The following MEGF11 variants were observed in gnomAD, a reference collection of about 807,000 sequenced individuals.
MEGF11 encodes the protein multiple EGF like domains 11.
In MEGF11, 126 loss-of-function variants were observed where a neutral mutation model predicts 146.6. The observed-to-expected ratio is 0.86, with a 90% CI of 0.74 to 1.00. The LOEUF is 1.00. Among genes scored for constraint, MEGF11 ranks in the 50% least tolerant of loss-of-function variants. The pLI, the probability that MEGF11 is intolerant of heterozygous loss-of-function variation, is 0.00. For missense variants in MEGF11, 1,509 were observed against 1,521.2 expected (o/e 0.99, Z 0.13); for synonymous variants, 532 against 583.4 (o/e 0.91, Z 1.27).
At chr15:66,180,360 A>G (rs944695342) in intron 1 of MEGF11, among the ~76,000 whole-genome samples, 19 of 152,138 alleles carry the variant, frequency 1.2e-4, no homozygotes. Flanking sequence ...CGGATGAACC[A>G]AAGACCCTCC....
At chr15:66,241,243 TGGAG>T (rs2140238412) in intron 1 of MEGF11, among the ~76,000 whole-genome samples, 1 of 152,244 alleles carries the variant, frequency 6.6e-6, no homozygotes, top group Non-Finnish European at 1.5e-5. Flanking sequence ...TCCCCCAAGC[TGGAG>T]GCCCAGGGAG....
chr15:66,107,060 C>CCCCCCCT (rs111544754), intron 4 of MEGF11, among the ~76,000 whole-genome samples: 3 of 150,730 alleles, frequency 2.0e-5, no homozygotes, highest in South Asian at 2.1e-4. Flanking sequence ...TCCTACCCCC[C>CCCCCCCT]CACCAGGTAT....
chr15:66,026,427 G>A (rs2140209773), intron 5 of MEGF11, among the ~76,000 whole-genome samples: 1 of 152,300 alleles, frequency 6.6e-6, no homozygotes, highest in African/African-American at 2.4e-5. Context: ...TGGAATGGAT[G>A]CACCCCTAAT....
At chr15:65,930,770 C>G in intron 11 of MEGF11, 53 bp downstream of exon 11, 3 of 1,517,502 alleles carry the variant, frequency 2.0e-6, no homozygotes, top group Non-Finnish European at 2.7e-6. Flanking sequence ...GCAGCACCAC[C>G]TGGGGAATGT....
chr15:66,102,146 G>A (rs1044561294), intron 4 of MEGF11, among the ~76,000 whole-genome samples: 2 of 79,924 alleles, frequency 2.5e-5, no homozygotes, highest in Non-Finnish European at 5.6e-5. Context: ...TCGATGCTTC[G>A]GGCCCCAGAT....
intron 1 of MEGF11, among the ~76,000 whole-genome samples, chr15:66,156,630 T>C (rs536769672): frequency 6.6e-6 from 1 of 152,076 alleles, no homozygotes; most frequent in East Asian, 1.9e-4. Flanking sequence ...TGGAGCCTTC[T>C]TTCCTCTGTG....
intron 5 of MEGF11, among the ~76,000 whole-genome samples, chr15:66,026,940 A>G (rs1029690245): frequency 1.3e-5 from 2 of 152,242 alleles, no homozygotes; most frequent in African/African-American, 2.4e-5. Flanking sequence ...TTTATATGAA[A>G]TGTAAATTGA....
intron 5 of MEGF11, among the ~76,000 whole-genome samples, chr15:66,093,138 C>T (rs1414741793): frequency 6.6e-6 from 1 of 152,104 alleles, no homozygotes; most frequent in East Asian, 1.9e-4. Flanking sequence ...CACTGGAGGT[C>T]CTAACACATT....
At chr15:66,050,044 A>C (rs1057089108) in intron 5 of MEGF11, among the ~76,000 whole-genome samples, 1 of 152,218 alleles carries the variant, frequency 6.6e-6, no homozygotes, top group African/African-American at 2.4e-5. Flanking sequence ...CATGGAACCT[A>C]CATTCCGTGT....
chr15:66,173,478 A>G (rs11071863), intron 1 of MEGF11, among the ~76,000 whole-genome samples: 82,770 of 151,640 alleles, frequency 0.55, 24,276 homozygotes, highest in African/African-American at 0.78. Flanking sequence ...ACCATGCCCT[A>G]CTAATTTTCT....
chr15:66,186,520 G>T (rs2141171998), intron 1 of MEGF11, among the ~76,000 whole-genome samples: 1 of 152,276 alleles, frequency 6.6e-6, no homozygotes, highest in South Asian at 2.1e-4. Context: ...CAGGAAACAG[G>T]CCAGCTACAT....
intron 5 of MEGF11, among the ~76,000 whole-genome samples, chr15:66,010,161 T>TAAAAAA (rs11302321): frequency 4.4e-4 from 56 of 126,128 alleles, no homozygotes; most frequent in African/African-American, 1.7e-3. Context: ...GCTGATTAGC[T>TAAAAAA]AAAAAAAAAA....
At chr15:66,101,289 C>G (rs927393196) in intron 4 of MEGF11, among the ~76,000 whole-genome samples, 1 of 152,176 alleles carries the variant, frequency 6.6e-6, no homozygotes, top group Admixed American at 6.5e-5. Context: ...GCTGCCCTCT[C>G]ATCTTTGGCA....
chr15:66,172,018 C>A (rs1010076235), intron 1 of MEGF11, among the ~76,000 whole-genome samples: 1 of 152,142 alleles, frequency 6.6e-6, no homozygotes, highest in Non-Finnish European at 1.5e-5. Flanking sequence ...GGTAAAGCCC[C>A]GGCTTTTAGG....
In MEGF11 at chr15:65,982,529, G is replaced by A; in HGVS notation, c.395-41C>T. 7.0e-7 allele frequency: 1 copy of A among 1,437,330 alleles called. No individual in the cohort carries two copies. Among genetic ancestry groups the A allele is most frequent in the Non-Finnish European group, 9.1e-7 (1 of 1,097,858 alleles). The allele number at this position is 1,437,330 out of a possible 1,614,324, so 89.0% of individuals were successfully genotyped here. Reference sequence around the variant, plus strand: ...CAGTCAGGGATCAGGAGCCCCGAAGGCTCTCCTTGGGGCAGGGGCCAGGAA... The same window carrying A: ...CAGTCAGGGATCAGGAGCCCCGAAGACTCTCCTTGGGGCAGGGGCCAGGAA... On this transcript the variant is annotated intron_variant, in intron 5 of 25. Coordinates refer to ENST00000395614, the MANE Select transcript of MEGF11 (RefSeq NM_001385028.1). The surrounding 1 kb of genome is among the most constrained non-coding windows in gnomAD (Gnocchi z 5.6).
At chr15:66,203,177 G>A (rs1227630373) in intron 1 of MEGF11, among the ~76,000 whole-genome samples, 3 of 152,188 alleles carry the variant, frequency 2.0e-5, no homozygotes, top group Admixed American at 1.3e-4. Context: ...CCAGCTGCCT[G>A]AGCCTGCGCA....
intron 10 of MEGF11, among the ~76,000 whole-genome samples, chr15:65,948,638 T>G (rs541802453): frequency 1.6e-4 from 24 of 152,324 alleles, no homozygotes; most frequent in African/African-American, 5.8e-4. Flanking sequence ...GACAAACATT[T>G]ACTGAACATT....
intron 5 of MEGF11, among the ~76,000 whole-genome samples, chr15:65,983,996 G>A (rs899964918): frequency 2.0e-5 from 3 of 152,178 alleles, no homozygotes; most frequent in African/African-American, 7.2e-5. Flanking sequence ...AGGTCAAGCG[G>A]TCAATGTCAT....
At chr15:66,202,970 G>T (rs1330483341) in intron 1 of MEGF11, among the ~76,000 whole-genome samples, 1 of 152,080 alleles carries the variant, frequency 6.6e-6, no homozygotes, top group African/African-American at 2.4e-5. Context: ...TGTAAGACGG[G>T]TGCTATTCTC....
Sources: gnomAD v4.1 joint callset for allele counts (sites outside exome capture counted in the v4.1 genomes callset) on GRCh38, gnomAD v4.1.1 for gene constraint, Gnocchi (gnomAD v3.1) non-coding constraint, MANE v1.5 for transcripts, NCBI Gene and HGNC (gene_info 2026-07-23, HGNC 2026-07-21) for gene names.